Variants in STON2 observed in about 807,000 individuals in gnomAD.
The protein encoded by STON2 is stonin 2.
In STON2, 29 loss-of-function variants were observed where a neutral mutation model predicts 65.7. That is an observed-to-expected ratio of 0.44 (90% CI 0.33 to 0.60). STON2 has a LOEUF of 0.60. STON2 is among the 20% of genes least tolerant of loss of function. The pLI, the probability that STON2 is intolerant of heterozygous loss-of-function variation, is 0.03. For synonymous variants in STON2, 404 were observed against 414.2 expected, an observed-to-expected ratio of 0.98 and a Z score of 0.30; for missense variants, 1,054 against 1,118.1, an observed-to-expected ratio of 0.94 and a Z score of 0.82.
At chr14:81,383,292 G>C (rs528671516) in intron 3 of STON2, among the ~76,000 whole-genome samples, 2 of 152,296 alleles carry the variant, frequency 1.3e-5, no homozygotes, top group South Asian at 2.1e-4. Context: ...GTAAAATGGA[G>C]CTGAAGAGAG....
upstream of STON2, among the ~76,000 whole-genome samples, chr14:81,401,467 G>A (rs1900610726): frequency 6.6e-6 from 1 of 152,110 alleles, no homozygotes; most frequent in African/African-American, 2.4e-5. Context: ...TTAGGTATTT[G>A]CCATGGAAGA....
In STON2 at chr14:81,342,611, T is replaced by C. The variant is rs552372033; in HGVS notation, c.572-18424A>G. 2.0e-5 allele frequency among the ~76,000 whole-genome samples: 3 copies of C among 152,230 alleles called. No individual in the cohort carries two copies. In the South Asian group the frequency reaches 6.2e-4, roughly 32 times the overall value. ...GTGTGGGGCCCTCCTGATCCACACA[T>C]CTGAGCTCTATTCCCGGTCCCCATA... On this transcript the variant is annotated intron_variant, in intron 4 of 7. Coordinates refer to ENST00000614646, the MANE Select transcript of STON2 (RefSeq NM_001394390.1).
At chr14:81,418,799 G>C (rs906004960) in intron 2 of STON2, among the ~76,000 whole-genome samples, 1 of 152,126 alleles carries the variant, frequency 6.6e-6, no homozygotes, top group Non-Finnish European at 1.5e-5. Flanking sequence ...TATTTGCAAA[G>C]ACCTTAAAAA....
intron 3 of STON2, among the ~76,000 whole-genome samples, chr14:81,385,675 T>TA (rs1295280446): frequency 2.6e-5 from 4 of 152,218 alleles, no homozygotes; most frequent in Non-Finnish European, 5.9e-5. Context: ...GTCAGTCACT[T>TA]AGTCATTCTG....
At chr14:81,342,904 C>T (rs1252094395) in intron 4 of STON2, among the ~76,000 whole-genome samples, 1 of 152,082 alleles carries the variant, frequency 6.6e-6, no homozygotes, top group Non-Finnish European at 1.5e-5. Context: ...CAGAGAAATC[C>T]GCACTGGAAA....
chr14:81,286,340 T>C (rs998918042), intron 5 of STON2, among the ~76,000 whole-genome samples: 12 of 152,310 alleles, frequency 7.9e-5, no homozygotes, highest in African/African-American at 2.4e-4. Context: ...GAAGGGTCAA[T>C]TGATGCAGCA....
intron 5 of STON2, among the ~76,000 whole-genome samples, chr14:81,283,083 T>G (rs1360944402): frequency 1.3e-5 from 2 of 152,164 alleles, no homozygotes; most frequent in Non-Finnish European, 2.9e-5. Flanking sequence ...AAAAGCCATG[T>G]GTAAGGATTA....
At chr14:81,292,825 A>T (rs1423854690) in intron 5 of STON2, among the ~76,000 whole-genome samples, 1 of 152,226 alleles carries the variant, frequency 6.6e-6, no homozygotes, top group African/African-American at 2.4e-5. Context: ...TGAGATTACT[A>T]CTTTTGCCCT....
chr14:81,406,318 C>A (rs1040335388), intron 2 of STON2, among the ~76,000 whole-genome samples: 1 of 152,180 alleles, frequency 6.6e-6, no homozygotes, highest in African/African-American at 2.4e-5. Flanking sequence ...TGGTTCTAGG[C>A]TTTGCTAGGG....
At chr14:81,350,507 G>C (rs994294158) in intron 4 of STON2, among the ~76,000 whole-genome samples, 1 of 151,940 alleles carries the variant, frequency 6.6e-6, no homozygotes, top group Admixed American at 6.6e-5. Flanking sequence ...TTTCAGAGAG[G>C]AATGAAATGA....
intron 3 of STON2, among the ~76,000 whole-genome samples, chr14:81,384,102 C>A (rs1899669472): frequency 6.6e-6 from 1 of 152,140 alleles, no homozygotes; most frequent in Non-Finnish European, 1.5e-5. Flanking sequence ...CAGGTCTTCA[C>A]TCACATTTAC....
chr14:81,400,444 A>G (rs1430432143), upstream of STON2, among the ~76,000 whole-genome samples: 1 of 144,250 alleles, frequency 6.9e-6, no homozygotes, highest in East Asian at 2.1e-4. Context: ...TCTTTCAACG[A>G]CAGCAGCATG....
At chr14:81,296,393 G>GAC (rs1243487367) in intron 5 of STON2, among the ~76,000 whole-genome samples, 1 of 152,184 alleles carries the variant, frequency 6.6e-6, no homozygotes, top group Non-Finnish European at 1.5e-5. Context: ...ATGGGATCAA[G>GAC]ACTTCTATTT....
chr14:81,336,849 G>A (rs1048788733), intron 4 of STON2, among the ~76,000 whole-genome samples: 2 of 152,176 alleles, frequency 1.3e-5, no homozygotes, highest in Admixed American at 1.3e-4. Context: ...AGCCAAAGAC[G>A]CTGGGCAGAG....
At chr14:81,420,681 G>T (rs1203653951) in intron 2 of STON2, among the ~76,000 whole-genome samples, 2 of 152,190 alleles carry the variant, frequency 1.3e-5, no homozygotes, top group Non-Finnish European at 2.9e-5. Flanking sequence ...AAGATGAATA[G>T]AAATTAGTTC....
chr14:81,415,226 C>T (rs1901367994), intron 2 of STON2, among the ~76,000 whole-genome samples: 1 of 151,428 alleles, frequency 6.6e-6, no homozygotes, highest in Non-Finnish European at 1.5e-5. Flanking sequence ...CTCCTTTGTT[C>T]CTCTTATCAA....
At chr14:81,270,443 T>C (rs776601040) in intron 7 of STON2, 2 of 1,458,670 alleles carry the variant, frequency 1.4e-6, no homozygotes, top group Non-Finnish European at 1.8e-6. Flanking sequence ...TATTCTCCTC[T>C]TTGATGAGCC....
intron 4 of STON2, chr14:81,333,454 C>T (rs1852394): frequency 0.75 from 219,668 of 291,074 alleles, 83,918 homozygotes; most frequent in Non-Finnish European, 0.8. Context: ...CCTATGAAAT[C>T]GTTACTGTTA....
rs1894257893 is a variant in STON2 at position 81,263,894 on chromosome 14, T to A, written c.*4520A>T. On this transcript the variant is annotated 3_prime_UTR_variant, in exon 8 of 8. Coordinates refer to ENST00000614646, the MANE Select transcript of STON2 (RefSeq NM_001394390.1). ...CACTAAACTTATGGTGAAATATATATCACCTCTGAAATCATGACTTTATCT... is the reference window on the plus strand; with the variant it reads ...CACTAAACTTATGGTGAAATATATAACACCTCTGAAATCATGACTTTATCT... The A allele has an allele frequency of 3.2e-5, 32 of 985,434 alleles. No individual in the cohort carries two copies. The highest frequency in any genetic ancestry group is 3.9e-5 in the Non-Finnish European group (32 of 829,932). The allele number at this position is 985,434 out of a possible 1,614,324, so 61.0% of individuals were successfully genotyped here.
Sources: gnomAD v4.1 joint callset for allele counts (sites outside exome capture counted in the v4.1 genomes callset) on GRCh38, gnomAD v4.1.1 for gene constraint, MANE v1.5 for transcripts, NCBI Gene and HGNC (gene_info 2026-07-23, HGNC 2026-07-21) for gene names.